Variants in KIF14 observed in about 807,000 individuals in gnomAD.
KIF14 encodes kinesin-like protein KIF14.
Under a neutral mutation model 176.2 loss-of-function variants are expected in KIF14, and 98 were observed. The ratio of observed to expected loss-of-function variants is 0.56; its 90% CI spans 0.47 to 0.66. The LOEUF is 0.66. KIF14 is among the 30% of genes least tolerant of loss of function. KIF14 has a pLI of 0.00. For synonymous variants in KIF14, 566 were observed against 632.2 expected, an observed-to-expected ratio of 0.90 and a Z score of 1.57; for missense variants, 1,751 against 1,920.4, an observed-to-expected ratio of 0.91 and a Z score of 1.65.
chr1:200,616,728 T>C (rs1660422492), intron 2 of KIF14, among the ~76,000 whole-genome samples: 2 of 152,226 alleles, frequency 1.3e-5, no homozygotes, highest in South Asian at 4.1e-4. Flanking sequence ...ATTAAAATAT[T>C]TTAAAACAAT....
At chr1:200,567,653 A>G (rs1657544864) in intron 23 of KIF14, among the ~76,000 whole-genome samples, 1 of 152,158 alleles carries the variant, frequency 6.6e-6, no homozygotes, top group African/African-American at 2.4e-5. Flanking sequence ...TGACTCATTC[A>G]GAGCCTCTGG....
In KIF14 at chr1:200,592,144, T is replaced by G. The variant is rs374982968; in HGVS notation, c.2749A>C (p.Ile917Leu). 11 of 1,613,744 alleles carry G rather than the reference T, an allele frequency of 6.8e-6. No individual in the cohort carries two copies. The African/African-American group carries it at 1.5e-4, about 22-fold the overall frequency. The change falls in exon 16 of 30, where the codon ATA (isoleucine) becomes CTA (leucine). Residue 917 changes from isoleucine to leucine, a missense_variant. Ile to Leu is a conservative substitution (Grantham distance 5). Coordinates refer to ENST00000367350, the MANE Select transcript of KIF14 (RefSeq NM_014875.3). ...GKRPSGRDTP[I>L]SEGPKDFEFA... ...TCAAAGTCTTTTGGACCCTCACTTA[T>G]AGGAGTATCTCTTCCAGATGGCCTT...
chr1:200,574,986 A>AGGCTGGAGTGCAGC (rs1411104450), intron 22 of KIF14, among the ~76,000 whole-genome samples: 4 of 119,080 alleles, frequency 3.4e-5, no homozygotes, highest in Non-Finnish European at 6.4e-5. Context: ...TCTGTCGCCC[A>AGGCTGGAGTGCAGC]GGCTGGAGTG....
intron 19 of KIF14, 117 bp from the exon 20 acceptor site, chr1:200,581,411 T>C (rs952691287): frequency 6.2e-6 from 3 of 484,892 alleles, no homozygotes; most frequent in African/African-American, 6.0e-5. Context: ...GTTTTAACTC[T>C]ATATTGCAGA....
chr1:200,614,790 CAAAAAAAAAAAAAAA>C (rs67447333), intron 3 of KIF14, among the ~76,000 whole-genome samples: 11 of 74,876 alleles, frequency 1.5e-4, no homozygotes, highest in South Asian at 6.6e-4. Flanking sequence ...AACCTTGCTA[CAAAAAAAAAAAAAAA>C]AAAAAAAAAA....
At chr1:200,618,871 G>C in intron 1 of KIF14, 33 bp from the exon 2 acceptor site, 1 of 632,132 alleles carries the variant, frequency 1.6e-6, no homozygotes, top group Non-Finnish European at 2.6e-6. Flanking sequence ...AGATCACACA[G>C]ACTACAAACA....
intron 18 of KIF14, among the ~76,000 whole-genome samples, chr1:200,586,607 C>T (rs1481720910): frequency 6.7e-6 from 1 of 149,844 alleles, no homozygotes; most frequent in Non-Finnish European, 1.5e-5. Flanking sequence ...TTTTTTCTTC[C>T]CATTGATAGA....
At chr1:200,598,171 A>AGG in intron 14 of KIF14, 66 bp downstream of exon 14, 13 of 1,402,516 alleles carry the variant, frequency 9.3e-6, no homozygotes, top group Non-Finnish European at 1.3e-5. Flanking sequence ...TGCCATATGA[A>AGG]GGAAACCACA....
At chr1:200,568,332 T>G (rs551410763) in intron 23 of KIF14, among the ~76,000 whole-genome samples, 3 of 152,236 alleles carry the variant, frequency 2.0e-5, no homozygotes, top group Non-Finnish European at 4.4e-5. Flanking sequence ...ACATATCTTT[T>G]TATTTTGCTG....
At position 200,589,216 on chromosome 1, in the gene KIF14, C is replaced by A; in HGVS notation, c.3114+1G>T. 3 of 1,592,092 alleles carry A rather than the reference C, an allele frequency of 1.9e-6. No individual in the cohort carries two copies. The highest frequency in any genetic ancestry group is 2.6e-6 in the Non-Finnish European group (3 of 1,169,978). The stretch of plus-strand genomic sequence containing the variant: ...GTTAACTGGTTACACAATAAAATTA[C>A]CTGTTTTGTAGCCAATGTTTCCATT... On this transcript the variant is annotated splice_donor_variant, in intron 18 of 29. Coordinates refer to ENST00000367350, the MANE Select transcript of KIF14 (RefSeq NM_014875.3). LOFTEE classifies it high-confidence loss of function.
chr1:200,614,304 TTA>T lies in KIF14; in HGVS notation c.1455+12_1455+13del, dbSNP rs1168385051. On this transcript the variant is annotated intron_variant, in intron 4 of 29. Coordinates refer to ENST00000367350, the MANE Select transcript of KIF14 (RefSeq NM_014875.3). ...TACTCTGAAAAGAAGCTTGCAGGTA[TTA>T]TAAGAACATACCTCTTGGGTTTGTT... 5 of 1,450,226 alleles carry T rather than the reference TTA, an allele frequency of 3.4e-6. No homozygotes were observed. The South Asian group carries it at 4.7e-5, about 14-fold the overall frequency. 89.8% of individuals were successfully genotyped at this position (1,450,226 alleles called of 1,614,324 possible). A position where few individuals can be genotyped will look rare whatever the true frequency, so the allele number is the denominator to read the frequency against.
At chr1:200,610,532 T>G (rs1660105951) in intron 4 of KIF14, among the ~76,000 whole-genome samples, 1 of 148,206 alleles carries the variant, frequency 6.7e-6, no homozygotes, top group Non-Finnish European at 1.5e-5. Context: ...AAAAAAAAAT[T>G]TAATATGAAT....
intron 16 of KIF14, among the ~76,000 whole-genome samples, 168 bp downstream of exon 16, chr1:200,591,912 T>C (rs1182094268): frequency 6.6e-6 from 1 of 152,174 alleles, no homozygotes; most frequent in Non-Finnish European, 1.5e-5. Context: ...AGACACATAA[T>C]AGATGGTCAA....
chr1:200,600,240 G>T (rs1659556725), intron 12 of KIF14, 116 bp downstream of exon 12: 2 of 1,224,442 alleles, frequency 1.6e-6, no homozygotes, highest in Non-Finnish European at 2.4e-6. Context: ...TCTGGGAGTG[G>T]GCTGCTCTAT....
chr1:200,575,993 A>G (rs907348941), intron 21 of KIF14, among the ~76,000 whole-genome samples: 15 of 152,340 alleles, frequency 9.8e-5, no homozygotes, highest in Admixed American at 8.5e-4. Flanking sequence ...CAGGAGAGAC[A>G]TAAAAGAATA....
intron 19 of KIF14, among the ~76,000 whole-genome samples, chr1:200,585,542 T>C (rs114032133): frequency 6.6e-6 from 1 of 152,224 alleles, no homozygotes; most frequent in Non-Finnish European, 1.5e-5. Flanking sequence ...TGGCTTACTA[T>C]TTGCTCAGTT....
intron 4 of KIF14, among the ~76,000 whole-genome samples, chr1:200,612,359 G>A (rs1660199309): frequency 1.3e-5 from 2 of 152,092 alleles, no homozygotes; most frequent in South Asian, 2.1e-4. Flanking sequence ...GTCATTCCAC[G>A]CAAAATCTGA....
chr1:200,558,549 G>T (rs548094042), intron 27 of KIF14, among the ~76,000 whole-genome samples: 24 of 152,110 alleles, frequency 1.6e-4, no homozygotes, highest in Non-Finnish European at 2.9e-4. Flanking sequence ...AAAATGATAT[G>T]AATATGAAAT....
Position 200,603,795 on chromosome 1 carries a change from T to G in KIF14, c.1863+44A>C, listed in dbSNP as rs776644380. Reference sequence around the variant, plus strand: ...TTGTATTCTCCTTAAAATAATGACCTCAGGAATAAATTTCATCAAAAGGAG... The same window carrying G: ...TTGTATTCTCCTTAAAATAATGACCGCAGGAATAAATTTCATCAAAAGGAG... On this transcript the variant is annotated intron_variant, in intron 9 of 29. Transcript: ENST00000367350. 3 of 1,199,258 alleles carry G rather than the reference T, an allele frequency of 2.5e-6. No individual in the cohort carries two copies. In the South Asian group the frequency reaches 3.6e-5, roughly 15 times the overall value. 74.3% of individuals were successfully genotyped at this position (1,199,258 alleles called of 1,614,324 possible).
Sources: gnomAD v4.1 joint callset for allele counts (sites outside exome capture counted in the v4.1 genomes callset) on GRCh38, gnomAD v4.1.1 for gene constraint, MANE v1.5 for transcripts, NCBI Gene and HGNC (gene_info 2026-07-23, HGNC 2026-07-21) for gene names.